The following TRIM26 variants were observed in gnomAD, a reference collection of about 807,000 sequenced individuals.
The protein encoded by TRIM26 is tripartite motif-containing protein 26.
A neutral mutation model predicts 45.5 loss-of-function variants in TRIM26; 16 were observed. That is an observed-to-expected ratio of 0.35 (90% confidence interval 0.24 to 0.53). The LOEUF is 0.53. Among genes scored for constraint, TRIM26 ranks in the 20% least tolerant of loss-of-function variants. TRIM26 has a pLI of 0.92. For synonymous variants in TRIM26, 273 were observed against 290.4 expected (o/e 0.94, Z 0.61); for missense variants, 442 against 691.1 (o/e 0.64, Z 4.04).
rs1776428295 is a variant in TRIM26, at chr6:30,196,070, T to A, written c.765+446A>T. The stretch of plus-strand genomic sequence containing the variant: ...GGCCATCTCTGTCTCCCTTCCCCAG[T>A]TACCCTATCTCTTCCAGATCCTCTG... On this transcript the variant is annotated intron_variant, in intron 6 of 9. Transcript: ENST00000454678. This position sits in a 1 kb window ranked among gnomAD's most constrained non-coding sequence, Gnocchi z 4.9. Among the ~76,000 whole-genome samples, 1 of 152,150 alleles carries A rather than the reference T, an allele frequency of 6.6e-6. No individual in the cohort carries two copies. The highest frequency in any genetic ancestry group is 1.9e-4 in the East Asian group (1 of 5,170).
chr6:30,201,256 C>T (rs1200062292), intron 2 of TRIM26, 118 bp from the exon 3 acceptor site: 2 of 152,192 alleles, frequency 1.3e-5, no homozygotes, highest in Non-Finnish European at 2.9e-5. Flanking sequence ...AACCCCCAGT[C>T]TATAAGACCC....
intron 6 of TRIM26, among the ~76,000 whole-genome samples, chr6:30,195,003 A>C (rs903550431): frequency 6.6e-5 from 10 of 152,118 alleles, no homozygotes; most frequent in African/African-American, 2.4e-4. Context: ...CAGTACCAAT[A>C]ACATTTCCTA....
chr6:30,195,090 T>G (rs963013624), intron 6 of TRIM26, among the ~76,000 whole-genome samples: 1 of 152,022 alleles, frequency 6.6e-6, no homozygotes, highest in African/African-American at 2.4e-5. Flanking sequence ...GCAATCTGAG[T>G]GCTCTGAGTC....
chr6:30,205,653 T>C lies in TRIM26; in HGVS notation c.-375-888A>G, dbSNP rs139488941. Among the ~76,000 whole-genome samples, 676 of 152,248 alleles carry C rather than the reference T, an allele frequency of 4.4e-3. 2 individuals carry two copies. The highest frequency in any genetic ancestry group is 0.011 in the African/African-American group (475 of 41,538). ...AGGAGTTTGAGACCAGCCTGGGTAATATAGTGAGACATTGTCTCCAAAAAA... is the reference window on the plus strand; with the variant it reads ...AGGAGTTTGAGACCAGCCTGGGTAACATAGTGAGACATTGTCTCCAAAAAA... On this transcript the variant is annotated intron_variant, in intron 1 of 9. Coordinates refer to ENST00000454678, the MANE Select transcript of TRIM26 (RefSeq NM_003449.5).
rs568579392 is a variant in TRIM26, at chr6:30,200,330, C to A, written c.-162+705G>T. Among the ~76,000 whole-genome samples, 248 of 152,250 alleles carry A rather than the reference C, an allele frequency of 1.6e-3. 8 individuals are homozygous for A. In the South Asian group the frequency reaches 0.047, roughly 29 times the overall value. ...CATTAAAAAACAAACAAACAAACAG[C>A]ACTGAGGTTCTTTACCAAAACTCGA... On this transcript the variant is annotated intron_variant, in intron 3 of 9. Coordinates refer to ENST00000454678, the MANE Select transcript of TRIM26 (RefSeq NM_003449.5).
At chr6:30,187,204 T>C in intron 9 of TRIM26, 1 of 276,408 alleles carries the variant, frequency 3.6e-6, no homozygotes, top group Non-Finnish European at 7.4e-6. Flanking sequence ...AGCTTGCATC[T>C]ATAACAACAT....
At chr6:30,210,593 C>G (rs1179951891) in intron 1 of TRIM26, among the ~76,000 whole-genome samples, 1 of 152,134 alleles carries the variant, frequency 6.6e-6, no homozygotes, top group African/African-American at 2.4e-5. Flanking sequence ...TACAGGAGTC[C>G]CCTCAATCCT....
intron 1 of TRIM26, among the ~76,000 whole-genome samples, chr6:30,212,201 A>G (rs1459140507): frequency 6.6e-6 from 1 of 152,214 alleles, no homozygotes; most frequent in African/African-American, 2.4e-5. Context: ...ATAGAGGGGC[A>G]TCCTACAACA....
chr6:30,203,233 A>C (rs1168464513), intron 2 of TRIM26, among the ~76,000 whole-genome samples: 1 of 151,786 alleles, frequency 6.6e-6, no homozygotes, highest in Non-Finnish European at 1.5e-5. Context: ...TTTGTAGAGA[A>C]GAGTTGCCAC....
intron 6 of TRIM26, among the ~76,000 whole-genome samples, chr6:30,193,182 A>ATATATATATATATATTTT (rs9280916): frequency 5.2e-5 from 2 of 38,818 alleles, no homozygotes; most frequent in African/African-American, 2.4e-4. Context: ...ATATATATAT[A>ATATATATATATATATTTT]TTTTTTTTTT....
Position 30,196,817 on chromosome 6 carries a change from G to T in TRIM26, c.535-71C>A. ...GTGGAGGGCCCAGTGCTGGAGGTGTGCAAGGCTGGCTCGTTCACCTCGCTA... is the reference window on the plus strand; with the variant it reads ...GTGGAGGGCCCAGTGCTGGAGGTGTTCAAGGCTGGCTCGTTCACCTCGCTA... On this transcript the variant is annotated intron_variant, in intron 5 of 9. Transcript: ENST00000454678. This position sits in a 1 kb window ranked among gnomAD's most constrained non-coding sequence, Gnocchi z 4.9. 2 of 1,509,880 alleles carry T rather than the reference G, an allele frequency of 1.3e-6. No homozygotes were observed. Among genetic ancestry groups the T allele is most frequent in the Non-Finnish European group, 1.8e-6 (2 of 1,095,238 alleles). The allele number at this position is 1,509,880 out of a possible 1,614,324, so 93.5% of individuals were successfully genotyped here.
In TRIM26 at chr6:30,189,134, T is replaced by A; in HGVS notation, c.937+33A>T. ...TGCAGGCGGAGTTTTCTATATTTGA[T>A]GTACATCTGGGAAACACCCTCTAGA... On this transcript the variant is annotated intron_variant, in intron 9 of 9. Transcript: ENST00000454678. This position sits in a 1 kb window ranked among gnomAD's most constrained non-coding sequence, Gnocchi z 5.0. The A allele has an allele frequency of 1.9e-6, 3 of 1,602,772 alleles. No homozygotes were observed. In the Admixed American group the frequency reaches 5.2e-5, roughly 28 times the overall value.
In TRIM26 at chr6:30,189,906, T is replaced by G; in HGVS notation, c.788+107A>C. 1 of 1,339,138 alleles carries G rather than the reference T, an allele frequency of 7.5e-7. No homozygotes were observed. 83.0% of individuals were successfully genotyped at this position (1,339,138 alleles called of 1,614,324 possible). On this transcript the variant is annotated intron_variant, in intron 7 of 9. Coordinates refer to ENST00000454678, the MANE Select transcript of TRIM26 (RefSeq NM_003449.5). This position sits in a 1 kb window ranked among gnomAD's most constrained non-coding sequence, Gnocchi z 5.0. Reference sequence around the variant, plus strand: ...ATCAGGATGAACCATGGGATGTGAGTACCTCTGGCACCATACCACTCCCCA... The same window carrying G: ...ATCAGGATGAACCATGGGATGTGAGGACCTCTGGCACCATACCACTCCCCA...
Position 30,186,113 on chromosome 6 carries a change from C to A in TRIM26, c.1383G>T (p.Trp461Cys). Reference sequence around the variant, plus strand: ...TGCCGGAGGAGGAGAGGCGCAGCGCCCACACGCCATCCTCTGGCCGCAGGG... The same window carrying A: ...TGCCGGAGGAGGAGAGGCGCAGCGCACACACGCCATCCTCTGGCCGCAGGG... ...DLSLRPEDGV[W>C]ALRLSSSGIW... The change falls in exon 10 of 10, where the codon TGG (tryptophan) becomes TGT (cysteine). Residue 461 changes from tryptophan to cysteine, a missense_variant. Trp to Cys is a radical substitution (Grantham distance 215, BLOSUM62 -2). Transcript: ENST00000454678. The surrounding 1 kb of genome is among the most constrained non-coding windows in gnomAD (Gnocchi z 7.4). The A allele has an allele frequency of 3.8e-6, 6 of 1,589,396 alleles. No individual in the cohort carries two copies. The highest frequency in any genetic ancestry group is 5.1e-6 in the Non-Finnish European group (6 of 1,167,710).
intron 9 of TRIM26, chr6:30,188,238 A>AAAAG (rs1554199504): frequency 0.04 from 7,685 of 194,374 alleles, 191 homozygotes; most frequent in African/African-American, 0.076. Flanking sequence ...AAAAAAAAAA[A>AAAAG]AAAAGAAATT....
At chr6:30,192,968 T>C (rs1776004883) in intron 6 of TRIM26, among the ~76,000 whole-genome samples, 2 of 150,870 alleles carry the variant, frequency 1.3e-5, no homozygotes, top group Non-Finnish European at 1.5e-5. Flanking sequence ...GCTGTAAATA[T>C]GTGAATTTAT....
At position 30,190,858 on chromosome 6, in the gene TRIM26, G is replaced by T. The variant is rs1775757087; in HGVS notation, c.766-823C>A. The stretch of plus-strand genomic sequence containing the variant: ...GGATAAGCTTATGTACAGCTACTGT[G>T]ATAGCTCTAGACCCTGCACCTCTGA... On this transcript the variant is annotated intron_variant, in intron 6 of 9. Coordinates refer to ENST00000454678, the MANE Select transcript of TRIM26 (RefSeq NM_003449.5). The surrounding 1 kb of genome is among the most constrained non-coding windows in gnomAD (Gnocchi z 4.3). 6.6e-6 allele frequency among the ~76,000 whole-genome samples: 1 copy of T among 152,172 alleles called. No homozygotes were observed. Among genetic ancestry groups the T allele is most frequent in the Admixed American group, 6.5e-5 (1 of 15,278 alleles).
chr6:30,185,667 T>C lies in TRIM26; in HGVS notation c.*209A>G. The C allele has an allele frequency of 1.7e-6, 1 of 575,168 alleles. No homozygotes were observed. The highest frequency in any genetic ancestry group is 3.0e-6 in the Non-Finnish European group (1 of 336,064). The allele number at this position is 575,168 out of a possible 1,614,324, so 35.6% of individuals were successfully genotyped here. On this transcript the variant is annotated 3_prime_UTR_variant, in exon 10 of 10. Transcript: ENST00000454678. This position sits in a 1 kb window ranked among gnomAD's most constrained non-coding sequence, Gnocchi z 5.7. ...GTTCCCTCGGGAAACCAGCAGGAGG[T>C]GGGAAAAGAGCCCCATTAGGGCAGT...
rs1777805552 is a variant in TRIM26, at chr6:30,207,108, T to C, written c.-375-2343A>G. Among the ~76,000 whole-genome samples the C allele has an allele frequency of 1.3e-5, 2 of 152,070 alleles. No homozygotes were observed. The highest frequency in any genetic ancestry group is 6.5e-5 in the Admixed American group (1 of 15,268). On this transcript the variant is annotated intron_variant, in intron 1 of 9. Coordinates refer to ENST00000454678, the MANE Select transcript of TRIM26 (RefSeq NM_003449.5). This position sits in a 1 kb window ranked among gnomAD's most constrained non-coding sequence, Gnocchi z 4.9. ...AGCGGTGAATTTGAGGAGCTGACAA[T>C]TGGCCACAGGTGGAGTGCAGTGAGG...
Sources: allele counts gnomAD v4.1 joint callset (sites outside exome capture counted in the v4.1 genomes callset), GRCh38; gene constraint gnomAD v4.1.1; non-coding constraint Gnocchi (gnomAD v3.1); transcripts MANE v1.5; gene names NCBI Gene and HGNC (gene_info 2026-07-23, HGNC 2026-07-21).